OSBPL6: variants seen among roughly 807,000 people sequenced by gnomAD.
OSBPL6 encodes the protein oxysterol binding protein like 6.
In OSBPL6, 49 loss-of-function variants were observed where a neutral mutation model predicts 125.8. That is an observed-to-expected ratio of 0.39 (90% CI 0.31 to 0.49). The LOEUF is 0.49. Ranked by LOEUF, OSBPL6 falls within the 20% of genes least tolerant of loss-of-function variation. OSBPL6 has a pLI of 0.88. For synonymous variants in OSBPL6, 394 were observed against 391.8 expected (o/e 1.01, Z -0.07); for missense variants, 986 against 1,135.4 (o/e 0.87, Z 1.89).
intron 4 of OSBPL6, among the ~76,000 whole-genome samples, chr2:178,327,822 TGA>T (rs915731864): frequency 3.3e-5 from 5 of 152,212 alleles, no homozygotes; most frequent in African/African-American, 9.6e-5. Flanking sequence ...CTGAGCCACT[TGA>T]GACAACAGCA....
In OSBPL6 at chr2:178,321,152, A is replaced by T; in HGVS notation, c.103-3025A>T. Among the ~76,000 whole-genome samples the T allele has an allele frequency of 2.0e-5, 3 of 152,292 alleles. No homozygotes were observed. The South Asian group carries it at 6.2e-4, about 32-fold the overall frequency. On this transcript the variant is annotated intron_variant, in intron 3 of 24. Transcript: ENST00000190611. Reference sequence around the variant, plus strand: ...GCGATGGAGCAAGACTCTGTCTCAAAAATAATAATAATAATTCCAAGATAA... The same window carrying T: ...GCGATGGAGCAAGACTCTGTCTCAATAATAATAATAATAATTCCAAGATAA...
At chr2:178,359,115 A>G (rs1692088619) in intron 12 of OSBPL6, among the ~76,000 whole-genome samples, 1 of 152,174 alleles carries the variant, frequency 6.6e-6, no homozygotes, top group Non-Finnish European at 1.5e-5. Context: ...GTTAGAGGTT[A>G]CAGTGAGCTA....
intron 1 of OSBPL6, among the ~76,000 whole-genome samples, chr2:178,280,202 AT>A (rs954030734): frequency 2.0e-4 from 31 of 152,168 alleles, no homozygotes; most frequent in Non-Finnish European, 1.5e-4. Flanking sequence ...TCTCAAAAAA[AT>A]TTAAAAAAAA....
At chr2:178,286,136 T>C (rs1365224350) in intron 2 of OSBPL6, among the ~76,000 whole-genome samples, 1 of 152,230 alleles carries the variant, frequency 6.6e-6, no homozygotes, top group Non-Finnish European at 1.5e-5. Flanking sequence ...GTAAAAATTT[T>C]CTTTTTATAA....
chr2:178,316,981 A>G (rs1687790536), intron 3 of OSBPL6, among the ~76,000 whole-genome samples: 2 of 152,144 alleles, frequency 1.3e-5, no homozygotes, highest in Admixed American at 6.5e-5. Flanking sequence ...TTGAGTGTGT[A>G]TATGCATTGA....
chr2:178,230,037 A>T (rs541708164), intron 1 of OSBPL6, among the ~76,000 whole-genome samples: 1 of 152,246 alleles, frequency 6.6e-6, no homozygotes, highest in East Asian at 1.9e-4. Context: ...TGTTGTTCTC[A>T]TCTTCAGGGT....
At chr2:178,196,117 A>C (rs1003746816) in intron 1 of OSBPL6, among the ~76,000 whole-genome samples, 1 of 152,096 alleles carries the variant, frequency 6.6e-6, no homozygotes, top group Non-Finnish European at 1.5e-5. Context: ...AAAGACTAAT[A>C]ATAAATGAAA....
chr2:178,207,381 T>G (rs1301780352), intron 1 of OSBPL6, among the ~76,000 whole-genome samples: 1 of 152,196 alleles, frequency 6.6e-6, no homozygotes, highest in Non-Finnish European at 1.5e-5. Flanking sequence ...ATACATGTAA[T>G]TGTATTTAGG....
chr2:178,376,237 A>G (rs1693861895), intron 15 of OSBPL6, among the ~76,000 whole-genome samples: 1 of 152,140 alleles, frequency 6.6e-6, no homozygotes, highest in Non-Finnish European at 1.5e-5. Flanking sequence ...AAAAGAGTTC[A>G]TCAACAAGCC....
At chr2:178,387,872 C>T (rs774135881) in intron 20 of OSBPL6, among the ~76,000 whole-genome samples, 3 of 151,924 alleles carry the variant, frequency 2.0e-5, no homozygotes, top group Admixed American at 1.3e-4. Flanking sequence ...GGTGTGGTGG[C>T]GGGCGCCTAT....
chr2:178,315,509 G>C lies in OSBPL6; in HGVS notation c.103-8668G>C, dbSNP rs188692901. 2.3e-3 allele frequency among the ~76,000 whole-genome samples: 357 copies of C among 152,286 alleles called. 1 individual carries two copies. Among genetic ancestry groups the C allele is most frequent in the Non-Finnish European group, 4.3e-3 (294 of 68,024 alleles). On this transcript the variant is annotated intron_variant, in intron 3 of 24. Coordinates refer to ENST00000190611, the MANE Select transcript of OSBPL6 (RefSeq NM_032523.4). ...GGCACACAGATACTCATTACCCACAGATGATTCAGAACCCAGTGCTACTTG... is the reference window on the plus strand; with the variant it reads ...GGCACACAGATACTCATTACCCACACATGATTCAGAACCCAGTGCTACTTG...
intron 11 of OSBPL6, among the ~76,000 whole-genome samples, chr2:178,342,399 G>A (rs985205391): frequency 5.9e-5 from 9 of 151,998 alleles, no homozygotes; most frequent in East Asian, 1.9e-4. Context: ...AAAATTGACC[G>A]CAAGAAAGTA....
chr2:178,341,537 T>C (rs1189627991), intron 11 of OSBPL6, among the ~76,000 whole-genome samples: 1 of 152,200 alleles, frequency 6.6e-6, no homozygotes, highest in Non-Finnish European at 1.5e-5. Flanking sequence ...TTTTTATTTA[T>C]GCTATTTCAC....
At chr2:178,291,653 G>T (rs940666469) in intron 2 of OSBPL6, among the ~76,000 whole-genome samples, 1 of 141,564 alleles carries the variant, frequency 7.1e-6, no homozygotes, top group African/African-American at 2.6e-5. Context: ...GAAAATATAG[G>T]AACAGGTAGT....
intron 14 of OSBPL6, among the ~76,000 whole-genome samples, chr2:178,372,682 G>A (rs1411682926): frequency 1.5e-5 from 2 of 132,874 alleles, no homozygotes; most frequent in Admixed American, 7.5e-5. Flanking sequence ...TAATACTAAC[G>A]GTGCTGCTAC....
chr2:178,222,471 G>A (rs1487117118), intron 1 of OSBPL6, among the ~76,000 whole-genome samples: 7 of 152,194 alleles, frequency 4.6e-5, no homozygotes, highest in African/African-American at 9.6e-5. Flanking sequence ...GTGAAACCCC[G>A]TCTCTACTAA....
At chr2:178,285,229 C>G (rs1034420538) in intron 2 of OSBPL6, 108 bp downstream of exon 2, 49 of 393,600 alleles carry the variant, frequency 1.2e-4, no homozygotes, top group Admixed American at 1.8e-4. Flanking sequence ...GAAGGTGTTT[C>G]TTTATATCTC....
chr2:178,339,633 A>C lies in OSBPL6; in HGVS notation c.895-39A>C, dbSNP rs551690165. 7 of 1,507,858 alleles carry C rather than the reference A, an allele frequency of 4.6e-6. No homozygotes were observed. In the Admixed American group the frequency reaches 1.4e-4, roughly 30 times the overall value. The allele number at this position is 1,507,858 out of a possible 1,614,324, so 93.4% of individuals were successfully genotyped here. On this transcript the variant is annotated intron_variant, in intron 10 of 24. Transcript: ENST00000190611. ...ATATCTGTATCATCTGTGTGAACTTAATAATACTTTGTTGCTTTTAACTAT... is the reference window on the plus strand; with the variant it reads ...ATATCTGTATCATCTGTGTGAACTTCATAATACTTTGTTGCTTTTAACTAT...
intron 1 of OSBPL6, among the ~76,000 whole-genome samples, chr2:178,245,616 G>A (rs1478752320): frequency 2.0e-5 from 3 of 152,202 alleles, no homozygotes; most frequent in Non-Finnish European, 2.9e-5. Context: ...ACAAGTATAC[G>A]TGGGATAACT....
Sources: gnomAD v4.1 joint callset for allele counts (sites outside exome capture counted in the v4.1 genomes callset) on GRCh38, gnomAD v4.1.1 for gene constraint, MANE v1.5 for transcripts, NCBI Gene and HGNC (gene_info 2026-07-23, HGNC 2026-07-21) for gene names.